MGST1: variants seen among roughly 807,000 people sequenced by gnomAD.
The protein encoded by MGST1 is microsomal glutathione S-transferase 1.
MGST1 carries 5 observed loss-of-function variants against 8.9 expected under a neutral mutation model. That is an observed-to-expected ratio of 0.56 (90% CI 0.29 to 1.19). MGST1 has a LOEUF of 1.19. Among genes scored for constraint, MGST1 ranks in the 50% most tolerant of loss-of-function variants. The pLI, the probability that MGST1 is intolerant of heterozygous loss-of-function variation, is 0.08. For synonymous variants in MGST1, 54 were observed against 67.8 expected (o/e 0.80, Z 1.00); for missense variants, 182 against 187.4 (o/e 0.97, Z 0.17).
In MGST1 at chr12:16,587,663, G is replaced by C. The variant is rs538081171; in HGVS notation, n.483-1865G>C. 6.6e-6 allele frequency among the ~76,000 whole-genome samples: 1 copy of C among 151,936 alleles called. No individual in the cohort carries two copies. The highest frequency in any genetic ancestry group is 2.4e-5 in the African/African-American group (1 of 41,476). On this transcript the variant is annotated intron_variant and non_coding_transcript_variant, in intron 4 of 4. Transcript: ENST00000538857. The surrounding 1 kb of genome is among the most constrained non-coding windows in gnomAD (Gnocchi z 4.3). Reference sequence around the variant, plus strand: ...ATAATAGCAAGCACTGGTCTGTCAGGAGTGCATTTTAACAGCACGACACAA... The same window carrying C: ...ATAATAGCAAGCACTGGTCTGTCAGCAGTGCATTTTAACAGCACGACACAA...
chr12:16,563,927 G>A (rs908534611), intron 4 of MGST1, among the ~76,000 whole-genome samples: 2 of 151,972 alleles, frequency 1.3e-5, no homozygotes, highest in Non-Finnish European at 2.9e-5. Flanking sequence ...CCAATTTATG[G>A]GCTAGATTTT....
chr12:16,480,081 G>A (rs1476742148), intron 4 of MGST1, among the ~76,000 whole-genome samples: 4 of 148,924 alleles, frequency 2.7e-5, no homozygotes, highest in African/African-American at 7.4e-5. Context: ...TACACAAAAA[G>A]CACAAACCTT....
intron 4 of MGST1, among the ~76,000 whole-genome samples, chr12:16,570,346 A>G (rs771867940): frequency 1.1e-4 from 16 of 152,018 alleles, no homozygotes; most frequent in Admixed American, 2.6e-4. Context: ...TTCTTTCCAT[A>G]CACTATATAT....
At chr12:16,350,701 A>T (rs114658232) in intron 1 of MGST1, 2 of 152,122 alleles carry the variant, frequency 1.3e-5, no homozygotes, top group African/African-American at 4.8e-5. Flanking sequence ...AACAACTACT[A>T]TTTCTTAATG....
chr12:16,514,003 C>T (rs1035795002), intron 4 of MGST1: 2 of 430,006 alleles, frequency 4.7e-6, no homozygotes, highest in Non-Finnish European at 9.1e-6. Context: ...AAGTCTTCTT[C>T]TTCTGCATGC....
intron 4 of MGST1, among the ~76,000 whole-genome samples, chr12:16,462,182 A>G (rs1056677033): frequency 6.6e-6 from 1 of 152,186 alleles, no homozygotes; most frequent in Admixed American, 6.5e-5. Flanking sequence ...GTATCTACAT[A>G]TGCAGATATG....
rs1942998807 is a variant in MGST1 at position 16,576,458 on chromosome 12, A to G, written n.483-13070A>G. Among the ~76,000 whole-genome samples, 1 of 152,070 alleles carries G rather than the reference A, an allele frequency of 6.6e-6. No individual in the cohort carries two copies. Among genetic ancestry groups the G allele is most frequent in the Non-Finnish European group, 1.5e-5 (1 of 68,020 alleles). ...ACTGCTGCTTTTTTTTCATATTCAG[A>G]TCAAATGTCAATGGATCTATGAAGC... On this transcript the variant is annotated intron_variant and non_coding_transcript_variant, in intron 4 of 4. Coordinates refer to the MGST1 transcript ENST00000538857. The surrounding 1 kb of genome is among the most constrained non-coding windows in gnomAD (Gnocchi z 4.1).
chr12:16,481,885 T>C (rs953937311), intron 4 of MGST1, among the ~76,000 whole-genome samples: 3 of 152,162 alleles, frequency 2.0e-5, no homozygotes, highest in African/African-American at 7.2e-5. Context: ...AAGCTTCATA[T>C]TCTGAATGCA....
At chr12:16,531,032 A>T (rs906644307) in intron 4 of MGST1, among the ~76,000 whole-genome samples, 3 of 151,920 alleles carry the variant, frequency 2.0e-5, no homozygotes, top group Admixed American at 6.6e-5. Context: ...GTAATGTCTG[A>T]TGGTGCTTGG....
intron 1 of MGST1, chr12:16,400,110 C>T: frequency 6.4e-7 from 1 of 1,558,816 alleles, no homozygotes; most frequent in Non-Finnish European, 8.8e-7. Context: ...TCAGTTTGTG[C>T]CTCATTTCTC....
intron 4 of MGST1, among the ~76,000 whole-genome samples, chr12:16,577,624 C>A (rs1301697135): frequency 6.6e-6 from 1 of 152,066 alleles, no homozygotes; most frequent in Non-Finnish European, 1.5e-5. Context: ...TGGAAGAGGA[C>A]AAGTAAGAAT....
intron 4 of MGST1, among the ~76,000 whole-genome samples, chr12:16,575,540 A>G (rs1792718249): frequency 6.6e-6 from 1 of 152,226 alleles, no homozygotes; most frequent in African/African-American, 2.4e-5. Flanking sequence ...TAAGCATTTG[A>G]CACGAGTTAT....
At chr12:16,397,778 C>CTT (rs55755629) in intron 1 of MGST1, among the ~76,000 whole-genome samples, 10,713 of 143,220 alleles carry the variant, frequency 0.075, 1,034 homozygotes, top group African/African-American at 0.21. Flanking sequence ...TCAATAGTAT[C>CTT]TTTTTTTTTT....
chr12:16,516,455 T>A (rs571049369), intron 4 of MGST1, among the ~76,000 whole-genome samples: 37 of 152,278 alleles, frequency 2.4e-4, no homozygotes, highest in African/African-American at 8.9e-4. Flanking sequence ...CAATTGGGCA[T>A]CAGAAGACCT....
At chr12:16,462,778 C>T (rs1039040751) in intron 4 of MGST1, among the ~76,000 whole-genome samples, 5 of 152,106 alleles carry the variant, frequency 3.3e-5, no homozygotes, top group Non-Finnish European at 7.3e-5. Flanking sequence ...AAAGTGGTAA[C>T]TTTCCCAAGA....
At chr12:16,392,497 C>A (rs1202635112) in intron 1 of MGST1, among the ~76,000 whole-genome samples, 1 of 152,206 alleles carries the variant, frequency 6.6e-6, no homozygotes, top group African/African-American at 2.4e-5. Flanking sequence ...CCCAGGCTAA[C>A]TGGTAGTTCC....
intron 4 of MGST1, among the ~76,000 whole-genome samples, chr12:16,484,546 G>C (rs908171593): frequency 3.3e-5 from 5 of 152,138 alleles, no homozygotes; most frequent in African/African-American, 1.2e-4. Context: ...AGGCTATACA[G>C]GAAGCACAAC....
chr12:16,523,954 C>T (rs569549374), intron 4 of MGST1, among the ~76,000 whole-genome samples: 1 of 152,094 alleles, frequency 6.6e-6, no homozygotes, highest in South Asian at 2.1e-4. Context: ...GGTTTCATGC[C>T]CTTACAGCCA....
chr12:16,384,129 C>A (rs1940483251), intron 1 of MGST1, among the ~76,000 whole-genome samples: 1 of 152,116 alleles, frequency 6.6e-6, no homozygotes, highest in Non-Finnish European at 1.5e-5. Context: ...GGTTGGGATA[C>A]TGCTGGGGTC....
Sources: allele counts gnomAD v4.1 joint callset (sites outside exome capture counted in the v4.1 genomes callset), GRCh38; gene constraint gnomAD v4.1.1; non-coding constraint Gnocchi (gnomAD v3.1); transcripts MANE v1.5; gene names NCBI Gene and HGNC (gene_info 2026-07-23, HGNC 2026-07-21).